The following SUPT3H variants were observed in gnomAD, a reference collection of about 807,000 sequenced individuals.
SUPT3H encodes the protein SPT3 homolog, SAGA and STAGA complex component.
In SUPT3H, 44 loss-of-function variants were observed where a neutral mutation model predicts 44.3. That is an observed-to-expected ratio of 0.99 (90% CI 0.78 to 1.28). SUPT3H has a LOEUF of 1.28. Ranked by LOEUF, SUPT3H falls within the 50% of genes most tolerant of loss-of-function variation. SUPT3H has a pLI of 0.00. For missense variants in SUPT3H, 380 were observed against 387.1 expected (o/e 0.98, Z 0.15); for synonymous variants, 124 against 125.6 (o/e 0.99, Z 0.09).
At chr6:44,830,658 A>G (rs887216440) in intron 10 of SUPT3H, among the ~76,000 whole-genome samples, 2 of 152,184 alleles carry the variant, frequency 1.3e-5, no homozygotes, top group African/African-American at 4.8e-5. Context: ...GGGGAGCAGA[A>G]CTAAAATTCA....
chr6:44,811,280 G>C lies in SUPT3H; in HGVS notation c.*53-1779C>G, dbSNP rs372315474. ...CAAGTGACATTTGTATGATGCTCAA[G>C]ATTAGAAGGGGTTATGGGTTATTGG... On this transcript the variant is annotated intron_variant and NMD_transcript_variant, in intron 11 of 11. Coordinates refer to the SUPT3H transcript ENST00000475057. Among the ~76,000 whole-genome samples, 8 of 152,346 alleles carry C rather than the reference G, an allele frequency of 5.3e-5. No homozygotes were observed. The South Asian group carries it at 1.2e-3, about 24-fold the overall frequency.
chr6:45,054,589 G>GCCATGAA (rs1790823426), intron 3 of SUPT3H, among the ~76,000 whole-genome samples: 1 of 151,994 alleles, frequency 6.6e-6, no homozygotes, highest in Non-Finnish European at 1.5e-5. Context: ...AAATATCTCA[G>GCCATGAA]CCATGAACCT....
At chr6:44,929,036 G>A (rs1190971335) in intron 10 of SUPT3H, among the ~76,000 whole-genome samples, 4 of 151,954 alleles carry the variant, frequency 2.6e-5, no homozygotes, top group Admixed American at 1.3e-4. Flanking sequence ...GTGTGTGGCA[G>A]GTGACTGATG....
At chr6:45,087,623 A>G (rs946708262) in intron 3 of SUPT3H, among the ~76,000 whole-genome samples, 5 of 151,934 alleles carry the variant, frequency 3.3e-5, no homozygotes, top group Non-Finnish European at 5.9e-5. Flanking sequence ...GCACTTTACA[A>G]TTTACAAACA....
At chr6:44,836,811 A>G (rs1050673280) in intron 10 of SUPT3H, among the ~76,000 whole-genome samples, 1 of 152,184 alleles carries the variant, frequency 6.6e-6, no homozygotes, top group African/African-American at 2.4e-5. Context: ...TGTAAATATT[A>G]TCTTCAGCAA....
chr6:44,934,082 T>G (rs1771023275), intron 9 of SUPT3H, among the ~76,000 whole-genome samples: 1 of 152,236 alleles, frequency 6.6e-6, no homozygotes, highest in Admixed American at 6.5e-5. Context: ...AGAAGTCATT[T>G]GTAGTCACAG....
At chr6:45,154,908 C>T (rs961261464) in intron 2 of SUPT3H, among the ~76,000 whole-genome samples, 1 of 152,114 alleles carries the variant, frequency 6.6e-6, no homozygotes, top group Admixed American at 6.6e-5. Flanking sequence ...GGGAAGCTCT[C>T]CCTTGGCCTC....
intron 2 of SUPT3H, among the ~76,000 whole-genome samples, chr6:45,347,910 T>G (rs1172472975): frequency 1.3e-5 from 2 of 152,158 alleles, no homozygotes; most frequent in Non-Finnish European, 2.9e-5. Context: ...TGGTTACCTG[T>G]GAATGAAAAA....
intron 7 of SUPT3H, among the ~76,000 whole-genome samples, chr6:44,959,771 C>T (rs1462835605): frequency 1.3e-5 from 2 of 152,138 alleles, no homozygotes; most frequent in East Asian, 1.9e-4. Flanking sequence ...TAAAATGTAC[C>T]AGTAATTCCA....
chr6:45,042,339 C>T (rs1788670028), intron 3 of SUPT3H, among the ~76,000 whole-genome samples: 1 of 152,162 alleles, frequency 6.6e-6, no homozygotes, highest in East Asian at 1.9e-4. Flanking sequence ...AGGAGAATTG[C>T]TTGAGCCTGA....
intron 2 of SUPT3H, among the ~76,000 whole-genome samples, chr6:45,121,876 C>G (rs2153579642): frequency 6.6e-6 from 1 of 152,000 alleles, no homozygotes; most frequent in East Asian, 1.9e-4. Context: ...CGGGGTTTCA[C>G]CATGTTGGCC....
At chr6:44,908,140 CT>C (rs983361285) in intron 10 of SUPT3H, among the ~76,000 whole-genome samples, 35 of 149,922 alleles carry the variant, frequency 2.3e-4, no homozygotes, top group East Asian at 1.8e-3. Context: ...TTAGAAATAA[CT>C]TTTTTTTCTT....
At chr6:44,842,337 G>A (rs1020235362) in intron 10 of SUPT3H, among the ~76,000 whole-genome samples, 2 of 152,138 alleles carry the variant, frequency 1.3e-5, no homozygotes, top group Middle Eastern at 3.4e-3. Flanking sequence ...TTACTTAGAT[G>A]TCTGTGTGTA....
Position 45,174,647 on chromosome 6 carries a change from G to C in SUPT3H, c.102-68641C>G, listed in dbSNP as rs149840225. Among the ~76,000 whole-genome samples the C allele has an allele frequency of 1.1e-3, 161 of 152,132 alleles. 1 individual carries two copies. Among genetic ancestry groups the C allele is most frequent in the African/African-American group, 3.7e-3 (153 of 41,504 alleles). ...CACCTTTACAAAATACTCTAAAAGA[G>C]GAACACACAGTCTGTAGTAACATGC... On this transcript the variant is annotated intron_variant, in intron 2 of 10. Coordinates refer to ENST00000371459, the MANE Select transcript of SUPT3H (RefSeq NM_003599.4).
intron 10 of SUPT3H, among the ~76,000 whole-genome samples, chr6:44,895,211 AT>A (rs1196355346): frequency 6.6e-6 from 1 of 150,632 alleles, no homozygotes; most frequent in Non-Finnish European, 1.5e-5. Flanking sequence ...CTATAACTAT[AT>A]GGAATAATAA....
At chr6:44,837,622 A>G (rs1453853232) in intron 10 of SUPT3H, among the ~76,000 whole-genome samples, 1 of 152,216 alleles carries the variant, frequency 6.6e-6, no homozygotes, top group African/African-American at 2.4e-5. Flanking sequence ...TCCCACTGGG[A>G]GCATTTCTGG....
At chr6:45,325,108 A>G (rs1786148215) in intron 2 of SUPT3H, among the ~76,000 whole-genome samples, 1 of 151,896 alleles carries the variant, frequency 6.6e-6, no homozygotes, top group Non-Finnish European at 1.5e-5. Flanking sequence ...AATAAGTTAA[A>G]AACTTCCTTC....
intron 10 of SUPT3H, among the ~76,000 whole-genome samples, chr6:44,921,490 A>C (rs1429094013): frequency 1.3e-5 from 2 of 152,218 alleles, no homozygotes; most frequent in Non-Finnish European, 2.9e-5. Flanking sequence ...TTAGGTCACC[A>C]ACATGAAGAT....
chr6:45,036,212 T>C (rs1787649230), intron 3 of SUPT3H, among the ~76,000 whole-genome samples: 3 of 151,444 alleles, frequency 2.0e-5, no homozygotes, highest in Non-Finnish European at 4.4e-5. Context: ...ATAAGAAGAG[T>C]AGGAAGGATC....
Sources: allele counts gnomAD v4.1 joint callset (sites outside exome capture counted in the v4.1 genomes callset), GRCh38; gene constraint gnomAD v4.1.1; transcripts MANE v1.5; gene names NCBI Gene and HGNC (gene_info 2026-07-23, HGNC 2026-07-21).